Variants in SFXN2 observed in about 807,000 individuals in gnomAD.
The protein encoded by SFXN2 is sideroflexin 2.
SFXN2 carries 37 observed loss-of-function variants against 41.9 expected under a neutral mutation model. That is an observed-to-expected ratio of 0.88 (90% CI 0.68 to 1.16). The LOEUF (loss-of-function observed/expected upper bound fraction) is 1.16, where lower values mean the gene tolerates loss of function less well. SFXN2 is among the 50% of genes most tolerant of loss of function. The pLI is 0.00. For synonymous variants in SFXN2, 150 were observed against 156.7 expected (o/e 0.96, Z 0.32); for missense variants, 386 against 425.2 (o/e 0.91, Z 0.81).
chr10:102,724,973 G>A (rs2064569548), intron 1 of SFXN2: 1 of 145,946 alleles, frequency 6.9e-6, no homozygotes, highest in Admixed American at 7.0e-5. Flanking sequence ...TGGACATGAT[G>A]TACCCTGTGA....
chr10:102,715,338 T>A (rs2064392985), intron 1 of SFXN2: 1 of 152,876 alleles, frequency 6.5e-6, no homozygotes, highest in African/African-American at 2.4e-5. Flanking sequence ...GGTGAGCCAC[T>A]GTGCCCAGCC....
chr10:102,732,104 G>A, intron 7 of SFXN2, 48 bp from the exon 8 acceptor site: 1 of 1,567,768 alleles, frequency 6.4e-7, no homozygotes, highest in Non-Finnish European at 8.7e-7. Context: ...TGCAGCACAT[G>A]TACACTGGAT....
chr10:102,731,907 C>G (rs879167213), intron 7 of SFXN2, 124 bp downstream of exon 7: 2 of 868,922 alleles, frequency 2.3e-6, no homozygotes, highest in Non-Finnish European at 3.6e-6. Context: ...CATCCTCACT[C>G]CCTATCAAAT....
At chr10:102,731,425 G>C (rs543657084) in intron 6 of SFXN2, among the ~76,000 whole-genome samples, 1 of 152,266 alleles carries the variant, frequency 6.6e-6, no homozygotes, top group South Asian at 2.1e-4. Context: ...CCATTTTGCA[G>C]ATAAGCAAAA....
At chr10:102,720,760 A>G (rs1361348275) in intron 1 of SFXN2, among the ~76,000 whole-genome samples, 1 of 152,080 alleles carries the variant, frequency 6.6e-6, no homozygotes, top group Non-Finnish European at 1.5e-5. Flanking sequence ...CACTCTGGAT[A>G]TTTGTCATGT....
At chr10:102,736,351 A>G (rs904628410) in intron 11 of SFXN2, among the ~76,000 whole-genome samples, 1 of 150,564 alleles carries the variant, frequency 6.6e-6, no homozygotes, top group African/African-American at 2.5e-5. Flanking sequence ...TCCGCCTCCC[A>G]GTTCAAGTGA....
In SFXN2 at chr10:102,742,708, G is replaced by GATCT. The variant is rs1352186581; in HGVS notation, c.*4948_*4951dup. 1 of 152,110 alleles carries GATCT rather than the reference G, an allele frequency of 6.6e-6. No homozygotes were observed. The highest frequency in any genetic ancestry group is 1.9e-4 in the East Asian group (1 of 5,178). 9.4% of individuals were successfully genotyped at this position (152,110 alleles called of 1,614,324 possible). A position where few individuals can be genotyped will look rare whatever the true frequency, so the allele number is the denominator to read the frequency against. Reference sequence around the variant, plus strand: ...TGGTTTCAAACTCCTGAGCTCAAGGGATCTACCTGCCTCAGCCTCCCAAAG... The same window carrying GATCT: ...TGGTTTCAAACTCCTGAGCTCAAGGGATCTATCTACCTGCCTCAGCCTCCCAAAG... On this transcript the variant is annotated 3_prime_UTR_variant, in exon 12 of 12. Transcript: ENST00000369893.
chr10:102,735,062 C>T (rs2064755264), intron 10 of SFXN2, among the ~76,000 whole-genome samples: 2 of 151,642 alleles, frequency 1.3e-5, no homozygotes, highest in South Asian at 4.2e-4. Flanking sequence ...CCTCCCCCTC[C>T]ATAGTGCCCC....
intron 11 of SFXN2, among the ~76,000 whole-genome samples, chr10:102,736,232 C>T (rs2064775769): frequency 6.7e-6 from 1 of 149,548 alleles, no homozygotes; most frequent in South Asian, 2.1e-4. Context: ...AAGCTCTCCT[C>T]TGGCTGGATC....
chr10:102,737,794 C>A lies in SFXN2; in HGVS notation c.*32C>A. 1.4e-6 allele frequency: 2 copies of A among 1,447,376 alleles called. No homozygotes were observed. Among genetic ancestry groups the A allele is most frequent in the Admixed American group, 1.7e-5 (1 of 58,106 alleles). The allele number at this position is 1,447,376 out of a possible 1,614,324, so 89.7% of individuals were successfully genotyped here. A position where few individuals can be genotyped will look rare whatever the true frequency, so the allele number is the denominator to read the frequency against. Reference sequence around the variant, plus strand: ...CACTTCAGCAAGGACCAGTCTATTCCCATATTCACCAGCTCCTCCTTAGCT... The same window carrying A: ...CACTTCAGCAAGGACCAGTCTATTCACATATTCACCAGCTCCTCCTTAGCT... On this transcript the variant is annotated 3_prime_UTR_variant, in exon 12 of 12. Transcript: ENST00000369893.
At position 102,731,798 on chromosome 10, in the gene SFXN2, C is replaced by T. The variant is rs1564745487; in HGVS notation, c.654+15C>T. 6.2e-7 allele frequency: 1 copy of T among 1,612,538 alleles called. No homozygotes were observed. On this transcript the variant is annotated intron_variant, in intron 7 of 11. Transcript: ENST00000369893. Reference sequence around the variant, plus strand: ...GTCATTCCCGGGTGAGCAGAGGCCTCCCTTTGGGGTGGGAGGAGGGAATTC... The same window carrying T: ...GTCATTCCCGGGTGAGCAGAGGCCTTCCTTTGGGGTGGGAGGAGGGAATTC...
Position 102,737,937 on chromosome 10 carries a change from CA to C in SFXN2, c.*176del, listed in dbSNP as rs2064803320. 4.7e-6 allele frequency: 2 copies of C among 426,682 alleles called. No homozygotes were observed. The highest frequency in any genetic ancestry group is 2.0e-5 in the African/African-American group (1 of 49,766). 26.4% of individuals were successfully genotyped at this position (426,682 alleles called of 1,614,324 possible). ...ACCCTGGTACTGGTTGATTGGACCT[CA>C]GGGGAAAAAAGTGAAAAAGGGTAGC... On this transcript the variant is annotated 3_prime_UTR_variant, in exon 12 of 12. Transcript: ENST00000369893.
Position 102,739,688 on chromosome 10 carries a change from G to A in SFXN2, c.*1926G>A, listed in dbSNP as rs1362781107. Reference sequence around the variant, plus strand: ...ACACTTTGGGAGGCCGAGGCAGGTGGATCACCTGAGGTCAGGAGTTCGAGA... The same window carrying A: ...ACACTTTGGGAGGCCGAGGCAGGTGAATCACCTGAGGTCAGGAGTTCGAGA... On this transcript the variant is annotated 3_prime_UTR_variant, in exon 12 of 12. Transcript: ENST00000369893. 1 of 152,196 alleles carries A rather than the reference G, an allele frequency of 6.6e-6. No homozygotes were observed. Among genetic ancestry groups the A allele is most frequent in the Non-Finnish European group, 1.5e-5 (1 of 68,076 alleles). The allele number at this position is 152,196 out of a possible 1,614,324, so 9.4% of individuals were successfully genotyped here.
At chr10:102,715,813 C>T (rs576060504) in intron 1 of SFXN2, among the ~76,000 whole-genome samples, 23 of 151,106 alleles carry the variant, frequency 1.5e-4, no homozygotes, top group Admixed American at 2.6e-4. Flanking sequence ...AGCCAGGTTC[C>T]GTGGCGCACT....
At chr10:102,724,616 C>A (rs1208842667) in intron 1 of SFXN2, among the ~76,000 whole-genome samples, 1 of 151,880 alleles carries the variant, frequency 6.6e-6, no homozygotes, top group Non-Finnish European at 1.5e-5. Context: ...GCAGGAGAAC[C>A]ACTTGAACAC....
chr10:102,731,098 C>A (rs1211931473), intron 6 of SFXN2, among the ~76,000 whole-genome samples: 6 of 145,398 alleles, frequency 4.1e-5, no homozygotes, highest in South Asian at 2.2e-4. Flanking sequence ...AAAAAAAAAA[C>A]CAAAAAACAA....
Position 102,740,971 on chromosome 10 carries a change from G to C in SFXN2, c.*3209G>C, listed in dbSNP as rs955670227. 1 of 152,150 alleles carries C rather than the reference G, an allele frequency of 6.6e-6. No homozygotes were observed. Among genetic ancestry groups the C allele is most frequent in the African/African-American group, 2.4e-5 (1 of 41,428 alleles). 9.4% of individuals were successfully genotyped at this position (152,150 alleles called of 1,614,324 possible). On this transcript the variant is annotated 3_prime_UTR_variant, in exon 12 of 12. Coordinates refer to ENST00000369893, the MANE Select transcript of SFXN2 (RefSeq NM_178858.6). ...ATTTCCTGTTCTCTTATAGACAACT[G>C]CTCTTTTGGAAATGTCTGGAAGGTA...
At chr10:102,721,079 C>G (rs1435583911) in intron 1 of SFXN2, among the ~76,000 whole-genome samples, 1 of 152,238 alleles carries the variant, frequency 6.6e-6, no homozygotes, top group African/African-American at 2.4e-5. Flanking sequence ...GTTGCTCCCT[C>G]TCCCCTGGGA....
At chr10:102,718,552 C>T (rs1392881784) in intron 1 of SFXN2, among the ~76,000 whole-genome samples, 1 of 152,234 alleles carries the variant, frequency 6.6e-6, no homozygotes, top group African/African-American at 2.4e-5. Context: ...TCTGTTTTGG[C>T]AGTGGACTCT....
Sources: gnomAD v4.1 joint callset for allele counts (sites outside exome capture counted in the v4.1 genomes callset) on GRCh38, gnomAD v4.1.1 for gene constraint, MANE v1.5 for transcripts, NCBI Gene and HGNC (gene_info 2026-07-23, HGNC 2026-07-21) for gene names.